The following VWA8 variants were observed in gnomAD, a reference collection of about 807,000 sequenced individuals.
The protein encoded by VWA8 is von Willebrand factor A domain containing 8, also known as von Willebrand factor A domain-containing protein 8.
VWA8 carries 221 observed loss-of-function variants against 241.5 expected under a neutral mutation model. That is an observed-to-expected ratio of 0.91 (90% CI 0.82 to 1.02). VWA8 has a LOEUF of 1.02. Among genes scored for constraint, VWA8 ranks in the 50% least tolerant of loss-of-function variants. The pLI is 0.00. For synonymous variants in VWA8, 852 were observed against 827.1 expected (o/e 1.03, Z -0.52); for missense variants, 2,322 against 2,328.7 (o/e 1.00, Z 0.06).
intron 37 of VWA8, among the ~76,000 whole-genome samples, chr13:41,666,259 A>G (rs952681064): frequency 6.6e-6 from 1 of 152,052 alleles, no homozygotes; most frequent in Non-Finnish European, 1.5e-5. Flanking sequence ...CTCAAACCAA[A>G]TTTCTGGTTC....
intron 37 of VWA8, among the ~76,000 whole-genome samples, chr13:41,637,582 AAAAT>A (rs1190554301): frequency 3.3e-5 from 5 of 151,832 alleles, no homozygotes; most frequent in Non-Finnish European, 7.4e-5. Flanking sequence ...GAAATAAAAA[AAAAT>A]AAATAATAAA....
chr13:41,783,666 A>G, intron 19 of VWA8, 129 bp downstream of exon 19: 1 of 642,622 alleles, frequency 1.6e-6, no homozygotes, highest in Non-Finnish European at 2.5e-6. Context: ...GATGTTCAAC[A>G]CTTCATTTTG....
chr13:41,599,918 A>T lies in VWA8; in HGVS notation c.4986+5250T>A, dbSNP rs528795018. Among the ~76,000 whole-genome samples, 51 of 152,184 alleles carry T rather than the reference A, an allele frequency of 3.4e-4. 1 individual carries two copies. The South Asian group carries it at 0.01, about 31-fold the overall frequency. ...TGCATGAAACCTAGACCTCCCCCAC[A>T]ACCATGCCTCCCTAGCGCTGCTGCT... is the stretch of plus-strand genomic sequence containing the variant. On this transcript the variant is annotated intron_variant, in intron 40 of 44. Transcript: ENST00000379310.
chr13:41,757,532 T>C (rs983545509), intron 21 of VWA8, among the ~76,000 whole-genome samples: 9 of 150,822 alleles, frequency 6.0e-5, no homozygotes, highest in Admixed American at 2.6e-4. Flanking sequence ...GTATGACTGA[T>C]CCTGCCATCT....
intron 16 of VWA8, 35 bp from the exon 17 acceptor site, chr13:41,811,375 T>C (rs1870465038): frequency 6.5e-7 from 1 of 1,549,196 alleles, no homozygotes; most frequent in Non-Finnish European, 8.9e-7. Flanking sequence ...TTAAGAGTCT[T>C]GTTTCAACTT....
At chr13:41,935,831 T>G (rs1441364595) in intron 2 of VWA8, among the ~76,000 whole-genome samples, 1 of 151,944 alleles carries the variant, frequency 6.6e-6, no homozygotes, top group Non-Finnish European at 1.5e-5. Flanking sequence ...CTATTTTGCT[T>G]AACTATAACA....
intron 17 of VWA8, among the ~76,000 whole-genome samples, chr13:41,796,030 G>C (rs1869686920): frequency 6.6e-6 from 1 of 152,122 alleles, no homozygotes; most frequent in Admixed American, 6.5e-5. Flanking sequence ...ATGTTACCTT[G>C]ATAGTAAAAG....
At chr13:41,897,306 C>T (rs1348089686) in intron 4 of VWA8, among the ~76,000 whole-genome samples, 1 of 151,928 alleles carries the variant, frequency 6.6e-6, no homozygotes, top group East Asian at 1.9e-4. Context: ...TAAGGAAATG[C>T]CCAACATCAC....
intron 4 of VWA8, among the ~76,000 whole-genome samples, chr13:41,892,811 C>G (rs1874909567): frequency 6.6e-6 from 1 of 152,154 alleles, no homozygotes; most frequent in Non-Finnish European, 1.5e-5. Flanking sequence ...TTCTTGAACT[C>G]ATCCCTTTCT....
intron 3 of VWA8, among the ~76,000 whole-genome samples, chr13:41,909,229 T>C (rs2138110373): frequency 6.6e-6 from 1 of 152,178 alleles, no homozygotes; most frequent in African/African-American, 2.4e-5. Flanking sequence ...TGGCTAATGT[T>C]TGTATTTTTT....
chr13:41,729,798 GACACACACACACACACAC>G (rs59345894), intron 22 of VWA8, 121 bp from the exon 23 acceptor site: 29 of 445,204 alleles, frequency 6.5e-5, no homozygotes, highest in East Asian at 2.0e-4. Flanking sequence ...TATACACGTA[GACACACACACACACACAC>G]ACACACACAC....
chr13:41,902,602 AAAT>A (rs566048237), intron 4 of VWA8, among the ~76,000 whole-genome samples: 195 of 152,346 alleles, frequency 1.3e-3, no homozygotes, highest in Non-Finnish European at 2.2e-3. Context: ...TAATAAATAC[AAAT>A]ATTATATGCA....
At chr13:41,587,773 G>A in intron 41 of VWA8, 103 bp from the exon 42 acceptor site, 2 of 1,399,110 alleles carry the variant, frequency 1.4e-6, no homozygotes, top group Non-Finnish European at 9.7e-7. Context: ...GCCCCGAGAT[G>A]GGCAGACCAG....
At chr13:41,753,633 G>A (rs2045671858) in intron 21 of VWA8, among the ~76,000 whole-genome samples, 1 of 152,064 alleles carries the variant, frequency 6.6e-6, no homozygotes, top group Non-Finnish European at 1.5e-5. Context: ...CAGCTTGCTG[G>A]CATTATGAAA....
intron 9 of VWA8, among the ~76,000 whole-genome samples, chr13:41,870,780 T>C (rs980155464): frequency 6.6e-6 from 1 of 152,078 alleles, no homozygotes; most frequent in Admixed American, 6.6e-5. Context: ...AGAGGACACA[T>C]ATTCCAGAAA....
chr13:41,821,573 A>G (rs945511418), intron 14 of VWA8, among the ~76,000 whole-genome samples: 7 of 152,160 alleles, frequency 4.6e-5, no homozygotes, highest in African/African-American at 1.4e-4. Flanking sequence ...AAATTATGAG[A>G]TAAGTGCCAT....
intron 2 of VWA8, among the ~76,000 whole-genome samples, chr13:41,913,041 G>A (rs1876085867): frequency 6.6e-6 from 1 of 151,822 alleles, no homozygotes. Flanking sequence ...TAAATACACA[G>A]AATGAAATAT....
intron 37 of VWA8, among the ~76,000 whole-genome samples, chr13:41,626,712 C>G (rs2044694231): frequency 6.6e-6 from 1 of 152,094 alleles, no homozygotes; most frequent in Admixed American, 6.6e-5. Flanking sequence ...AACTGGCTAG[C>G]CATATGTGGA....
intron 37 of VWA8, among the ~76,000 whole-genome samples, chr13:41,663,048 A>G (rs1374112407): frequency 2.0e-5 from 3 of 152,300 alleles, no homozygotes; most frequent in South Asian, 2.1e-4. Context: ...CTCAATCCAT[A>G]TGCTATCATT....
Sources: gnomAD v4.1 joint callset for allele counts (sites outside exome capture counted in the v4.1 genomes callset) on GRCh38, gnomAD v4.1.1 for gene constraint, MANE v1.5 for transcripts, NCBI Gene and HGNC (gene_info 2026-07-23, HGNC 2026-07-21) for gene names.